DLG2: variants seen among roughly 807,000 people sequenced by gnomAD.
DLG2 encodes the protein discs large MAGUK scaffold protein 2, also known as disks large homolog 2.
A neutral mutation model predicts 132.5 loss-of-function variants in DLG2; 45 were observed. That is an observed-to-expected ratio of 0.34 (90% CI 0.27 to 0.44). The LOEUF (loss-of-function observed/expected upper bound fraction) is 0.44. Ranked by LOEUF, DLG2 falls within the 20% of genes least tolerant of loss-of-function variation. DLG2 has a pLI of 1.00. For missense variants in DLG2, 1,045 were observed against 1,196.9 expected, an observed-to-expected ratio of 0.87 and a Z score of 1.87; for synonymous variants, 424 against 419.6, an observed-to-expected ratio of 1.01 and a Z score of -0.13.
chr11:84,539,511 A>G (rs964104689), intron 6 of DLG2, among the ~76,000 whole-genome samples: 5 of 152,150 alleles, frequency 3.3e-5, no homozygotes, highest in African/African-American at 1.2e-4. Flanking sequence ...AGGCCTCTGT[A>G]TTGCAGTCTG....
At chr11:84,648,749 C>A (rs1280534448) in intron 6 of DLG2, among the ~76,000 whole-genome samples, 1 of 147,696 alleles carries the variant, frequency 6.8e-6, no homozygotes, top group African/African-American at 2.6e-5. Context: ...CTCTCTCCTT[C>A]TCTCTCTCTC....
At chr11:85,461,991 G>A (rs2092630545) in intron 3 of DLG2, among the ~76,000 whole-genome samples, 1 of 152,106 alleles carries the variant, frequency 6.6e-6, no homozygotes, top group African/African-American at 2.4e-5. Flanking sequence ...GTGGGCAAAG[G>A]ATATTAACAG....
chr11:85,534,737 C>A (rs1010717952), intron 3 of DLG2, among the ~76,000 whole-genome samples: 2 of 152,174 alleles, frequency 1.3e-5, no homozygotes, highest in Non-Finnish European at 2.9e-5. Flanking sequence ...CGTATTCCAT[C>A]GTTGATGAGC....
In DLG2 at chr11:84,180,117, T is replaced by C. The variant is rs1460628334; in HGVS notation, c.574-16606A>G. On this transcript the variant is annotated intron_variant, in intron 8 of 27. Coordinates refer to ENST00000376104, the MANE Select transcript of DLG2 (RefSeq NM_001142699.3). Reference sequence around the variant, plus strand: ...AGAAATGTTTGAATTATGATTAGTATACTAAAGGCTTTAATGAAAAAACTA... The same window carrying C: ...AGAAATGTTTGAATTATGATTAGTACACTAAAGGCTTTAATGAAAAAACTA... Among the ~76,000 whole-genome samples the C allele has an allele frequency of 2.0e-5, 3 of 152,108 alleles. No homozygotes were observed. The East Asian group carries it at 5.8e-4, about 29-fold the overall frequency.
intron 6 of DLG2, among the ~76,000 whole-genome samples, chr11:84,935,389 T>C (rs2048620952): frequency 6.6e-6 from 1 of 152,186 alleles, no homozygotes; most frequent in African/African-American, 2.4e-5. Flanking sequence ...CAGTCCCAGA[T>C]ATTTAACAGG....
chr11:83,549,069 G>A (rs1479996142), intron 19 of DLG2, among the ~76,000 whole-genome samples: 1 of 151,894 alleles, frequency 6.6e-6, no homozygotes, highest in Non-Finnish European at 1.5e-5. Context: ...AAGATGCAAG[G>A]AACAGAGTGC....
intron 7 of DLG2, chr11:84,317,349 G>C: frequency 7.1e-7 from 1 of 1,402,444 alleles, no homozygotes; most frequent in Non-Finnish European, 9.3e-7. Context: ...CGGGCTGGTA[G>C]CTCTTTGTCA....
rs1295467981 is a variant in DLG2 at position 83,587,217 on chromosome 11, C to T, written c.1941-45359G>A. On this transcript the variant is annotated intron_variant, in intron 19 of 27. Transcript: ENST00000376104. ...TTTTAAATTATCTTTTAATGTTTGG[C>T]TATAAGCAGCCATATCAGCTCCAGT... Among the ~76,000 whole-genome samples the T allele has an allele frequency of 2.6e-5, 4 of 151,634 alleles. No homozygotes were observed. The East Asian group carries it at 7.7e-4, about 29-fold the overall frequency.
intron 6 of DLG2, among the ~76,000 whole-genome samples, chr11:84,868,011 T>G (rs934296342): frequency 1.3e-5 from 2 of 151,656 alleles, no homozygotes; most frequent in Non-Finnish European, 1.5e-5. Flanking sequence ...GCGGCGGAGC[T>G]TGCAGTGAGC....
chr11:84,743,914 T>TG (rs2065020207), intron 6 of DLG2, among the ~76,000 whole-genome samples: 1 of 152,058 alleles, frequency 6.6e-6, no homozygotes, highest in African/African-American at 2.4e-5. Flanking sequence ...TTAGTACAGA[T>TG]GGGGTTTCAC....
intron 7 of DLG2, among the ~76,000 whole-genome samples, chr11:84,495,837 G>A (rs770538103): frequency 3.9e-5 from 6 of 152,134 alleles, no homozygotes; most frequent in African/African-American, 9.7e-5. Flanking sequence ...GGTGATCCAC[G>A]TATGTTTGAA....
chr11:84,489,193 T>A (rs1389807419), intron 7 of DLG2, among the ~76,000 whole-genome samples: 7 of 152,106 alleles, frequency 4.6e-5, no homozygotes, highest in African/African-American at 1.7e-4. Context: ...TATGATAGTA[T>A]AAAACAAACG....
At chr11:85,125,989 A>G (rs1019530227) in intron 5 of DLG2, among the ~76,000 whole-genome samples, 7 of 152,208 alleles carry the variant, frequency 4.6e-5, no homozygotes, top group Admixed American at 6.5e-5. Flanking sequence ...AAGAATACAT[A>G]AAATTTTAGG....
intron 6 of DLG2, among the ~76,000 whole-genome samples, chr11:84,934,627 C>T (rs1266456969): frequency 1.4e-5 from 2 of 145,810 alleles, no homozygotes; most frequent in African/African-American, 5.0e-5. Context: ...ATTATGAATA[C>T]CTCTATGCAC....
intron 3 of DLG2, among the ~76,000 whole-genome samples, chr11:85,342,991 A>G (rs1027014902): frequency 6.6e-6 from 1 of 152,140 alleles, no homozygotes; most frequent in Non-Finnish European, 1.5e-5. Context: ...TGGCTCTCTA[A>G]AAAGTAGTTC....
chr11:84,997,680 G>A (rs2057792274), intron 6 of DLG2: 1 of 152,158 alleles, frequency 6.6e-6, no homozygotes, highest in Non-Finnish European at 1.5e-5. Flanking sequence ...CATCTATGTT[G>A]TTCTCTTGTG....
At chr11:84,437,025 T>C (rs545947419) in intron 7 of DLG2, among the ~76,000 whole-genome samples, 2 of 152,248 alleles carry the variant, frequency 1.3e-5, no homozygotes, top group South Asian at 4.1e-4. Context: ...ATAATAAAAA[T>C]AATGCAGTAC....
intron 3 of DLG2, among the ~76,000 whole-genome samples, chr11:85,579,471 G>C (rs113337290): frequency 6.6e-6 from 1 of 152,106 alleles, no homozygotes; most frequent in African/African-American, 2.4e-5. Flanking sequence ...AAAAGTGAAC[G>C]AAGTGGTATG....
intron 21 of DLG2, among the ~76,000 whole-genome samples, chr11:83,484,903 ATAAT>A (rs1286529893): frequency 6.6e-6 from 1 of 152,150 alleles, no homozygotes; most frequent in Non-Finnish European, 1.5e-5. Flanking sequence ...ATTTTTAACA[ATAAT>A]TAACAATAAT....
Sources: allele counts gnomAD v4.1 joint callset (sites outside exome capture counted in the v4.1 genomes callset), GRCh38; gene constraint gnomAD v4.1.1; transcripts MANE v1.5; gene names NCBI Gene and HGNC (gene_info 2026-07-23, HGNC 2026-07-21).